Variants in ARHGAP10 observed in about 807,000 individuals in gnomAD.
ARHGAP10 encodes rho GTPase-activating protein 10.
Under a neutral mutation model 108.6 loss-of-function variants are expected in ARHGAP10, and 87 were observed. The observed-to-expected ratio is 0.80, with a 90% confidence interval of 0.67 to 0.96. The LOEUF (loss-of-function observed/expected upper bound fraction) is 0.96, where lower values mean the gene tolerates loss of function less well. ARHGAP10 is among the 40% of genes least tolerant of loss of function. The pLI is 0.00. For missense variants in ARHGAP10, 939 were observed against 954.5 expected, an observed-to-expected ratio of 0.98 and a Z score of 0.21; for synonymous variants, 347 against 341.1, an observed-to-expected ratio of 1.02 and a Z score of -0.19.
chr4:147,914,888 A>G (rs1736901891), intron 13 of ARHGAP10, among the ~76,000 whole-genome samples: 2 of 152,194 alleles, frequency 1.3e-5, no homozygotes, highest in Non-Finnish European at 2.9e-5. Context: ...CCCTTTTGCT[A>G]TGCAGCCATT....
At chr4:147,908,719 A>C (rs569288997) in intron 11 of ARHGAP10, among the ~76,000 whole-genome samples, 3 of 152,306 alleles carry the variant, frequency 2.0e-5, no homozygotes, top group African/African-American at 7.2e-5. Context: ...ATTGGTGAAA[A>C]CATGAGCTCC....
At chr4:148,061,966 G>A (rs1000011233) in intron 20 of ARHGAP10, among the ~76,000 whole-genome samples, 1 of 152,244 alleles carries the variant, frequency 6.6e-6, no homozygotes, top group South Asian at 2.1e-4. Flanking sequence ...TGGGGGAGGT[G>A]GAACTGGAGC....
Position 148,001,832 on chromosome 4 carries a change from C to T in ARHGAP10, c.1717-21431C>T, listed in dbSNP as rs61120930. Among the ~76,000 whole-genome samples, 3 of 152,208 alleles carry T rather than the reference C, an allele frequency of 2.0e-5. No homozygotes were observed. The South Asian group carries it at 6.2e-4, about 32-fold the overall frequency. Reference sequence around the variant, plus strand: ...TTTTGGGCTGAGATGATGGGGTTTTCTAAATATGCAGTCATGTCATCTGCA... The same window carrying T: ...TTTTGGGCTGAGATGATGGGGTTTTTTAAATATGCAGTCATGTCATCTGCA... On this transcript the variant is annotated intron_variant, in intron 18 of 22. Transcript: ENST00000336498.
intron 10 of ARHGAP10, among the ~76,000 whole-genome samples, chr4:147,888,711 G>T (rs1735672781): frequency 1.3e-5 from 2 of 152,126 alleles, no homozygotes; most frequent in South Asian, 4.1e-4. Context: ...CATCTATTCT[G>T]GTTTGCTGTT....
At chr4:147,872,099 CAAAAAA>C (rs36205660) in intron 7 of ARHGAP10, among the ~76,000 whole-genome samples, 15 of 70,034 alleles carry the variant, frequency 2.1e-4, no homozygotes, top group East Asian at 6.9e-4. Context: ...GAGACTCGGT[CAAAAAA>C]AAAAAAAAAA....
chr4:147,862,499 A>G (rs1734363771), intron 5 of ARHGAP10: 1 of 152,488 alleles, frequency 6.6e-6, no homozygotes, highest in South Asian at 2.1e-4. Flanking sequence ...CGCGGGCACC[A>G]TGGAGTGCGC....
At chr4:147,820,275 A>G (rs1471083231) in intron 1 of ARHGAP10, among the ~76,000 whole-genome samples, 2 of 152,100 alleles carry the variant, frequency 1.3e-5, no homozygotes, top group Admixed American at 1.3e-4. Flanking sequence ...ATTAGGAACT[A>G]AGTTATTTTA....
At chr4:148,007,556 A>T (rs1740998968) in intron 18 of ARHGAP10, among the ~76,000 whole-genome samples, 1 of 152,192 alleles carries the variant, frequency 6.6e-6, no homozygotes, top group Non-Finnish European at 1.5e-5. Context: ...CAGCTATTCA[A>T]GCCCTTCATG....
At chr4:147,986,600 A>G (rs78387706) in intron 18 of ARHGAP10, among the ~76,000 whole-genome samples, 2,498 of 152,220 alleles carry the variant, frequency 0.016, 49 homozygotes, top group South Asian at 0.079. Flanking sequence ...CCCCACAGCC[A>G]AGACAGTCTC....
chr4:147,865,480 A>T (rs1352638036), intron 6 of ARHGAP10: 1 of 152,658 alleles, frequency 6.6e-6, no homozygotes, highest in Non-Finnish European at 1.5e-5. Flanking sequence ...GTTTGTGATT[A>T]TATAGATGTT....
chr4:147,866,441 A>G (rs1734564395), intron 6 of ARHGAP10: 2 of 321,220 alleles, frequency 6.2e-6, no homozygotes, highest in Admixed American at 9.7e-5. Context: ...GGACAAATGG[A>G]TGACTTAATA....
At chr4:147,893,480 TATAG>T (rs1735870211) in intron 10 of ARHGAP10, among the ~76,000 whole-genome samples, 2 of 147,762 alleles carry the variant, frequency 1.4e-5, no homozygotes, top group Non-Finnish European at 3.0e-5. Flanking sequence ...ATTCTATATA[TATAG>T]AAATACATAT....
chr4:147,939,845 T>C lies in ARHGAP10; in HGVS notation c.1249T>C (p.Tyr417His). The change falls in exon 14 of 23, where the codon TAC (tyrosine) becomes CAC (histidine). Residue 417 changes from tyrosine to histidine, a missense_variant. Transcript: ENST00000336498. ...CATAGGTATAAATGACCAAGGATTG[T>C]ACAGAGTTGTGGGGGTGAGTTCAAA... is the stretch of plus-strand genomic sequence containing the variant. The part of the protein sequence containing the change: ...ETRGINDQGL[Y>H]RVVGVSSKVQ... 4 of 1,614,070 alleles carry C rather than the reference T, an allele frequency of 2.5e-6. No individual in the cohort carries two copies. The highest frequency in any genetic ancestry group is 3.4e-6 in the Non-Finnish European group (4 of 1,179,938).
intron 7 of ARHGAP10, 85 bp downstream of exon 7, chr4:147,866,901 G>C (rs1734589790): frequency 8.6e-7 from 1 of 1,157,296 alleles, no homozygotes; most frequent in Non-Finnish European, 1.3e-6. Flanking sequence ...TTAATTAAAT[G>C]AAGACAATGC....
In ARHGAP10 at chr4:147,785,159, A is replaced by G. The variant is rs986524139; in HGVS notation, c.155-37568A>G. 1.5e-4 allele frequency among the ~76,000 whole-genome samples: 23 copies of G among 149,416 alleles called. 1 individual carries two copies. The highest frequency in any genetic ancestry group is 5.9e-5 in the Non-Finnish European group (4 of 67,482). On this transcript the variant is annotated intron_variant, in intron 1 of 22. Coordinates refer to ENST00000336498, the MANE Select transcript of ARHGAP10 (RefSeq NM_024605.4). The stretch of plus-strand genomic sequence containing the variant: ...CTGAATATTGACTTGTTTAGCTTTC[A>G]TTAGTACTTAACATTGAAACAGAGT...
chr4:147,764,334 G>C (rs560085482), intron 1 of ARHGAP10, among the ~76,000 whole-genome samples: 28 of 152,104 alleles, frequency 1.8e-4, no homozygotes, highest in African/African-American at 6.5e-4. Context: ...GGAGACCCTA[G>C]TCTGAGCTTG....
In ARHGAP10 at chr4:148,067,902, C is replaced by T. The variant is rs1308851362; in HGVS notation, c.2272+3395C>T. On this transcript the variant is annotated intron_variant, in intron 22 of 22. Coordinates refer to ENST00000336498, the MANE Select transcript of ARHGAP10 (RefSeq NM_024605.4). ...TGGGCCTGGACTTAAGTTATGAGTT[C>T]CAGTTCTAGGCGGAAGATGTGTTTC... Among the ~76,000 whole-genome samples, 4 of 152,262 alleles carry T rather than the reference C, an allele frequency of 2.6e-5. No homozygotes were observed. In the South Asian group the frequency reaches 8.3e-4, roughly 32 times the overall value.
At chr4:147,849,258 C>A (rs1213118442) in intron 4 of ARHGAP10, among the ~76,000 whole-genome samples, 1 of 134,634 alleles carries the variant, frequency 7.4e-6, no homozygotes, top group South Asian at 2.4e-4. Flanking sequence ...TTTTTAAATT[C>A]TCTACCAGCC....
At chr4:148,002,326 T>C (rs934062558) in intron 18 of ARHGAP10, among the ~76,000 whole-genome samples, 1 of 152,238 alleles carries the variant, frequency 6.6e-6, no homozygotes, top group African/African-American at 2.4e-5. Flanking sequence ...AGTATTTTAT[T>C]GAGGATTTTT....
Sources: gnomAD v4.1 joint callset for allele counts (sites outside exome capture counted in the v4.1 genomes callset) on GRCh38, gnomAD v4.1.1 for gene constraint, MANE v1.5 for transcripts, NCBI Gene and HGNC (gene_info 2026-07-23, HGNC 2026-07-21) for gene names.